The following TXNL4A variants were observed in gnomAD, a reference collection of about 807,000 sequenced individuals.
TXNL4A encodes thioredoxin like 4A.
Under a neutral mutation model 14.6 loss-of-function variants are expected in TXNL4A, and 17 were observed. That is an observed-to-expected ratio of 1.16 (90% CI 0.80 to 1.74). The LOEUF (loss-of-function observed/expected upper bound fraction) is 1.74, where lower values mean the gene tolerates loss of function less well. TXNL4A is among the 40% of genes most tolerant of loss of function. The probability of loss-of-function intolerance (pLI) is 0.00; values close to 1 mark genes in which losing one functional copy is unlikely to be tolerated. For synonymous variants in TXNL4A, 83 were observed against 70.6 expected (o/e 1.18, Z -0.88); for missense variants, 74 against 195.2 (o/e 0.38, Z 3.70).
At chr18:79,985,266 T>A (rs1358723231) in intron 1 of TXNL4A, among the ~76,000 whole-genome samples, 4 of 152,210 alleles carry the variant, frequency 2.6e-5, no homozygotes, top group Non-Finnish European at 4.4e-5. Flanking sequence ...AGAAAACTTT[T>A]TTTTTTTGAG....
chr18:80,020,419 G>A (rs574101513), intron 1 of TXNL4A, among the ~76,000 whole-genome samples: 35 of 152,186 alleles, frequency 2.3e-4, no homozygotes, highest in Non-Finnish European at 4.7e-4. Context: ...TATGGGGTGT[G>A]TAAACAGTTA....
intron 1 of TXNL4A, among the ~76,000 whole-genome samples, chr18:79,994,343 G>C (rs533125562): frequency 6.6e-6 from 1 of 152,140 alleles, no homozygotes; most frequent in African/African-American, 2.4e-5. Flanking sequence ...AGTAGCCAGC[G>C]GGGGGAAAGA....
At chr18:80,009,813 A>G (rs191067712) in intron 1 of TXNL4A, among the ~76,000 whole-genome samples, 269 of 152,276 alleles carry the variant, frequency 1.8e-3, no homozygotes, top group African/African-American at 5.9e-3. Flanking sequence ...GTGTCCCGCC[A>G]GAGCTTGGGA....
chr18:80,024,867 T>C (rs2051874205), intron 1 of TXNL4A, among the ~76,000 whole-genome samples: 1 of 152,104 alleles, frequency 6.6e-6, no homozygotes, highest in Non-Finnish European at 1.5e-5. Flanking sequence ...AGCAGCACAT[T>C]TTGGGTCCGA....
At chr18:80,023,822 C>T (rs192166968) in intron 1 of TXNL4A, among the ~76,000 whole-genome samples, 80 of 152,350 alleles carry the variant, frequency 5.3e-4, no homozygotes, top group African/African-American at 1.9e-3. Context: ...CCAGCAAGAT[C>T]TCAGTATTCT....
chr18:80,031,033 G>A (rs951028922), intron 1 of TXNL4A, among the ~76,000 whole-genome samples: 33 of 152,178 alleles, frequency 2.2e-4, no homozygotes, highest in African/African-American at 6.0e-4. Context: ...TCAGTGGAAA[G>A]GACCAGCTCA....
upstream of TXNL4A, among the ~76,000 whole-genome samples, chr18:79,989,766 C>T (rs1238626367): frequency 6.6e-6 from 1 of 151,874 alleles, no homozygotes; most frequent in Admixed American, 6.5e-5. Flanking sequence ...AGGCCGAGGC[C>T]GGCGGATCGC....
Position 79,971,890 on chromosome 18 carries a change from T to C in TXNL4A, c.*1795A>G, listed in dbSNP as rs2051306148. The C allele has an allele frequency of 6.6e-6, 1 of 152,210 alleles. No individual in the cohort carries two copies. The highest frequency in any genetic ancestry group is 6.5e-5 in the Admixed American group (1 of 15,272). 9.4% of individuals were successfully genotyped at this position (152,210 alleles called of 1,614,324 possible). On this transcript the variant is annotated 3_prime_UTR_variant, in exon 3 of 3. Coordinates refer to ENST00000269601, the MANE Select transcript of TXNL4A (RefSeq NM_006701.5). ...TGGAGAAATAGCAGGAGTGTAATAC[T>C]GAGTGTCTGTTACATGCCAGGTACT...
chr18:79,986,443 A>AC (rs2051549743), intron 1 of TXNL4A, among the ~76,000 whole-genome samples: 1 of 59,468 alleles, frequency 1.7e-5, no homozygotes, highest in Non-Finnish European at 6.1e-5. Flanking sequence ...TTAAAAGACC[A>AC]AAAAAAATAC....
chr18:80,007,595 TGGTTTTTTTTTTTAATCA>T (rs2051740328), intron 1 of TXNL4A, among the ~76,000 whole-genome samples: 1 of 151,938 alleles, frequency 6.6e-6, no homozygotes, highest in African/African-American at 2.4e-5. Flanking sequence ...TTCACTTCCT[TGGTTTTTTTTTTTAATCA>T]GGTACTGAGT....
intron 1 of TXNL4A, among the ~76,000 whole-genome samples, chr18:80,029,584 T>C (rs776376585): frequency 1.8e-4 from 27 of 152,302 alleles, no homozygotes; most frequent in Non-Finnish European, 3.1e-4. Flanking sequence ...TTATTCAAAA[T>C]ATTTGTAAAA....
chr18:79,979,942 A>G (rs536554670), intron 1 of TXNL4A, among the ~76,000 whole-genome samples: 2 of 152,346 alleles, frequency 1.3e-5, no homozygotes, highest in South Asian at 4.1e-4. Flanking sequence ...CTGTGTCCCC[A>G]AAACAGTTGA....
chr18:79,995,965 A>G (rs537086637), intron 1 of TXNL4A, among the ~76,000 whole-genome samples: 4 of 151,830 alleles, frequency 2.6e-5, no homozygotes, highest in South Asian at 2.1e-4. Context: ...TTAGCCGGGC[A>G]TGGTGGCGGG....
Position 79,977,675 on chromosome 18 carries a change from AAGAT to A in TXNL4A, c.176_179del (p.Tyr59LeufsTer32). The A allele has an allele frequency of 6.2e-7, 1 of 1,610,314 alleles. No individual in the cohort carries two copies. The highest frequency in any genetic ancestry group is 8.5e-7 in the Non-Finnish European group (1 of 1,178,324). On this transcript the variant is annotated frameshift_variant, in exon 2 of 3. Transcript: ENST00000269601. LOFTEE classifies it high-confidence loss of function. ...AGTCAGGCACTTCTGTAATATCCAC[AAGAT>A]AAATAACTGCAAAATTTTTAACCTA...
upstream of TXNL4A, among the ~76,000 whole-genome samples, chr18:79,990,603 T>TA (rs2051620795): frequency 6.6e-6 from 1 of 152,234 alleles, no homozygotes; most frequent in African/African-American, 2.4e-5. Context: ...ACAAACACAG[T>TA]TGCTTAACAC....
intron 1 of TXNL4A, among the ~76,000 whole-genome samples, chr18:79,998,971 AG>A (rs1339622398): frequency 3.9e-5 from 6 of 152,026 alleles, no homozygotes; most frequent in Non-Finnish European, 7.4e-5. Context: ...TTAAGAGGAG[AG>A]GATGGAAATT....
At chr18:80,005,201 C>A (rs1197679767) in intron 1 of TXNL4A, among the ~76,000 whole-genome samples, 1 of 152,180 alleles carries the variant, frequency 6.6e-6, no homozygotes, top group Non-Finnish European at 1.5e-5. Flanking sequence ...CACCTGAGGC[C>A]AATGGGGCAT....
intron 1 of TXNL4A, among the ~76,000 whole-genome samples, chr18:79,984,330 A>T (rs551117457): frequency 6.6e-6 from 1 of 151,944 alleles, no homozygotes; most frequent in African/African-American, 2.4e-5. Flanking sequence ...ATGGTGGCTC[A>T]CACTTGTAAT....
upstream of TXNL4A, among the ~76,000 whole-genome samples, chr18:79,990,662 G>C (rs566943033): frequency 7.1e-4 from 108 of 152,268 alleles, no homozygotes; most frequent in Non-Finnish European, 1.2e-3. Context: ...TAAGGCATAA[G>C]ACTCAAATGT....
Sources: allele counts gnomAD v4.1 joint callset (sites outside exome capture counted in the v4.1 genomes callset), GRCh38; gene constraint gnomAD v4.1.1; transcripts MANE v1.5; gene names NCBI Gene and HGNC (gene_info 2026-07-23, HGNC 2026-07-21).